Variants in MTREX observed in about 807,000 individuals in gnomAD.
MTREX encodes Mtr4 exosome RNA helicase.
In MTREX, 76 loss-of-function variants were observed where a neutral mutation model predicts 135.4. The ratio of observed to expected loss-of-function variants is 0.56; its 90% CI spans 0.47 to 0.68. MTREX has a LOEUF of 0.68. Among genes scored for constraint, MTREX ranks in the 30% least tolerant of loss-of-function variants. MTREX has a pLI of 0.00. For missense variants in MTREX, 920 were observed against 1,262.1 expected, an observed-to-expected ratio of 0.73 and a Z score of 4.11; for synonymous variants, 404 against 401.6, an observed-to-expected ratio of 1.01 and a Z score of -0.07.
At chr5:55,367,411 G>A (rs574362029) in intron 16 of MTREX, among the ~76,000 whole-genome samples, 17 of 151,868 alleles carry the variant, frequency 1.1e-4, no homozygotes, top group African/African-American at 4.1e-4. Flanking sequence ...ACTTGAACAC[G>A]GGAGGTGGAG....
chr5:55,336,419 C>CA (rs1749553906), intron 5 of MTREX, among the ~76,000 whole-genome samples: 1 of 151,868 alleles, frequency 6.6e-6, no homozygotes, highest in African/African-American at 2.4e-5. Flanking sequence ...TGAAAATAAA[C>CA]AAAAAAATTG....
At chr5:55,408,307 A>G (rs1231190059) in intron 22 of MTREX, among the ~76,000 whole-genome samples, 2 of 151,950 alleles carry the variant, frequency 1.3e-5, no homozygotes, top group African/African-American at 4.8e-5. Flanking sequence ...TAGGCTCCTC[A>G]CCTTTTTTTC....
intron 14 of MTREX, chr5:55,356,555 T>G (rs1749917392): frequency 5.0e-6 from 1 of 200,500 alleles, no homozygotes; most frequent in African/African-American, 2.3e-5. Flanking sequence ...TCATATGAGC[T>G]CCAGGGTCCG....
At position 55,366,599 on chromosome 5, in the gene MTREX, G is replaced by A. The variant is rs187942228; in HGVS notation, c.1660-126G>A. ...TTTATTTTATATTGGTTAACTAAAG[G>A]GTAGAACTAATACATTTCTGTAGTA... On this transcript the variant is annotated intron_variant, in intron 15 of 26. Transcript: ENST00000230640. 9 of 639,712 alleles carry A rather than the reference G, an allele frequency of 1.4e-5. No individual in the cohort carries two copies. The Admixed American group carries it at 1.6e-4, about 11-fold the overall frequency. 39.6% of individuals were successfully genotyped at this position (639,712 alleles called of 1,614,324 possible).
Position 55,400,308 on chromosome 5 carries a change from C to T in MTREX, c.2368C>T (p.Leu790=). The T allele has an allele frequency of 6.2e-7, 1 of 1,612,904 alleles. No individual in the cohort carries two copies. The highest frequency in any genetic ancestry group is 1.1e-5 in the South Asian group (1 of 90,972). Residue 790 remains leucine, a synonymous_variant, in exon 21 of 27, where the codon CTG becomes TTG. Transcript: ENST00000230640. ...IDDMGIQDQG[L]KKVIQKVEAF... The stretch of plus-strand genomic sequence containing the variant: ...TGATATGGGCATTCAAGATCAAGGG[C>T]TGAAAAAAGTCATTCAGAAAGTAGA...
chr5:55,366,389 C>G (rs569395207), intron 15 of MTREX, among the ~76,000 whole-genome samples: 8 of 152,234 alleles, frequency 5.3e-5, no homozygotes, highest in Non-Finnish European at 1.0e-4. Flanking sequence ...GCTCAGGAGG[C>G]TAAGACTGGA....
chr5:55,372,182 A>C (rs1579876434), intron 16 of MTREX, among the ~76,000 whole-genome samples: 1 of 152,246 alleles, frequency 6.6e-6, no homozygotes, highest in East Asian at 1.9e-4. Flanking sequence ...TTAGTCTGTC[A>C]AATATTCTTT....
Position 55,353,290 on chromosome 5 carries a change from A to G in MTREX, c.1533+21A>G, listed in dbSNP as rs745505292. ...GATGGGTAAGTAAAGCAATTCATATATCAAAATAATTTTTGTCTTTGTTAT... is the reference window on the plus strand; with the variant it reads ...GATGGGTAAGTAAAGCAATTCATATGTCAAAATAATTTTTGTCTTTGTTAT... On this transcript the variant is annotated intron_variant, in intron 14 of 26. Coordinates refer to ENST00000230640, the MANE Select transcript of MTREX (RefSeq NM_015360.5). 9 of 1,503,286 alleles carry G rather than the reference A, an allele frequency of 6.0e-6. No individual in the cohort carries two copies. In the East Asian group the frequency reaches 1.8e-4, roughly 30 times the overall value. 93.1% of individuals were successfully genotyped at this position (1,503,286 alleles called of 1,614,324 possible). A position where few individuals can be genotyped will look rare whatever the true frequency, so the allele number is the denominator to read the frequency against.
intron 15 of MTREX, 36 bp from the exon 16 acceptor site, chr5:55,366,689 G>GA: frequency 6.8e-7 from 1 of 1,480,176 alleles, no homozygotes; most frequent in Non-Finnish European, 9.0e-7. Flanking sequence ...AATTTATTTG[G>GA]AAAACTACAA....
intron 6 of MTREX, among the ~76,000 whole-genome samples, chr5:55,340,869 A>C (rs189923920): frequency 6.6e-6 from 1 of 152,212 alleles, no homozygotes; most frequent in Admixed American, 6.5e-5. Flanking sequence ...ATGTGAGCCA[A>C]CCGCACCCAG....
intron 18 of MTREX, among the ~76,000 whole-genome samples, chr5:55,383,057 A>G (rs1481785505): frequency 6.6e-6 from 1 of 152,176 alleles, no homozygotes; most frequent in East Asian, 1.9e-4. Flanking sequence ...TCATGTTACT[A>G]CCTGGAGTTA....
chr5:55,325,532 T>G (rs1255947003), intron 3 of MTREX, among the ~76,000 whole-genome samples: 2 of 151,508 alleles, frequency 1.3e-5, no homozygotes, highest in Non-Finnish European at 2.9e-5. Context: ...TTATTTTTAG[T>G]AGAGACTGGG....
intron 18 of MTREX, among the ~76,000 whole-genome samples, chr5:55,380,142 G>A (rs576521412): frequency 7.6e-4 from 116 of 151,634 alleles, no homozygotes; most frequent in Non-Finnish European, 1.4e-3. Context: ...GGGTTTCACC[G>A]TGTTAGGCAG....
chr5:55,410,349 A>G, intron 22 of MTREX, among the ~76,000 whole-genome samples, 175 bp from the exon 23 acceptor site: 1 of 151,002 alleles, frequency 6.6e-6, no homozygotes, highest in South Asian at 2.1e-4. Context: ...ATTATATAAT[A>G]TATTGGTAAT....
chr5:55,360,611 A>G (rs368459356), intron 15 of MTREX, among the ~76,000 whole-genome samples: 23 of 152,138 alleles, frequency 1.5e-4, no homozygotes, highest in Admixed American at 1.3e-3. Flanking sequence ...TCTAGCCAGC[A>G]CTTGTTAGCT....
At chr5:55,348,279 G>A (rs538788589) in intron 11 of MTREX, among the ~76,000 whole-genome samples, 3 of 152,162 alleles carry the variant, frequency 2.0e-5, no homozygotes, top group Admixed American at 6.5e-5. Flanking sequence ...TATCAGGAAC[G>A]CATACCAGTG....
chr5:55,327,271 C>T (rs1339972627), intron 3 of MTREX, among the ~76,000 whole-genome samples: 3 of 152,156 alleles, frequency 2.0e-5, no homozygotes, highest in African/African-American at 7.2e-5. Flanking sequence ...GGAATCGCCA[C>T]ACTGCACAAA....
intron 6 of MTREX, 131 bp from the exon 7 acceptor site, chr5:55,341,550 C>T: frequency 7.4e-6 from 4 of 538,732 alleles, no homozygotes; most frequent in Non-Finnish European, 1.3e-5. Flanking sequence ...TCTGTAACCC[C>T]TTAAAATTAT....
In MTREX at chr5:55,328,817, T is replaced by G; in HGVS notation, c.515+6T>G. 2.0e-6 allele frequency: 3 copies of G among 1,537,290 alleles called. No individual in the cohort carries two copies. The highest frequency in any genetic ancestry group is 2.7e-6 in the Non-Finnish European group (3 of 1,117,168). ...GGAAAAACAGTATGCGCCGAGTGAGTAGCTTCCTTTTTAAAGTCACTTTGT... is the reference window on the plus strand; with the variant it reads ...GGAAAAACAGTATGCGCCGAGTGAGGAGCTTCCTTTTTAAAGTCACTTTGT... On this transcript the variant is annotated splice_donor_region_variant and intron_variant, in intron 5 of 26. Transcript: ENST00000230640.
Sources: gnomAD v4.1 joint callset for allele counts (sites outside exome capture counted in the v4.1 genomes callset) on GRCh38, gnomAD v4.1.1 for gene constraint, MANE v1.5 for transcripts, NCBI Gene and HGNC (gene_info 2026-07-23, HGNC 2026-07-21) for gene names.